The following SLIT2 variants were observed in gnomAD, a reference collection of about 807,000 sequenced individuals.
The protein encoded by SLIT2 is slit guidance ligand 2, also known as slit homolog 2 protein.
SLIT2 carries 41 observed loss-of-function variants against 185.7 expected under a neutral mutation model. The ratio of observed to expected loss-of-function variants is 0.22; its 90% confidence interval spans 0.17 to 0.29. The LOEUF (loss-of-function observed/expected upper bound fraction) is 0.29. Among genes scored for constraint, SLIT2 ranks in the 10% least tolerant of loss-of-function variants. SLIT2 has a pLI of 1.00. For synonymous variants in SLIT2, 693 were observed against 680.2 expected (o/e 1.02, Z -0.29); for missense variants, 1,571 against 1,909.0 (o/e 0.82, Z 3.30).
At chr4:20,500,585 A>G (rs1437247279) in intron 9 of SLIT2, among the ~76,000 whole-genome samples, 1 of 152,194 alleles carries the variant, frequency 6.6e-6, no homozygotes, top group East Asian at 1.9e-4. Context: ...AGTGTCTTGT[A>G]TCATACATAA....
At chr4:20,292,168 C>T (rs1175166779) in intron 4 of SLIT2, among the ~76,000 whole-genome samples, 1 of 152,090 alleles carries the variant, frequency 6.6e-6, no homozygotes, top group Non-Finnish European at 1.5e-5. Flanking sequence ...CATTCATTGG[C>T]TTTCTCTAAA....
At chr4:20,547,857 C>T (rs1222715840) in intron 22 of SLIT2, among the ~76,000 whole-genome samples, 5 of 152,074 alleles carry the variant, frequency 3.3e-5, no homozygotes, top group East Asian at 3.9e-4. Context: ...AAAAATTCAA[C>T]GTCTCTCCCA....
intron 4 of SLIT2, among the ~76,000 whole-genome samples, chr4:20,463,965 C>T (rs1313325690): frequency 6.6e-6 from 1 of 152,012 alleles, no homozygotes; most frequent in Admixed American, 6.6e-5. Context: ...ATGGTCCTCT[C>T]ATCTAACTTC....
chr4:20,280,968 G>A (rs1271541576), intron 4 of SLIT2, among the ~76,000 whole-genome samples: 1 of 151,960 alleles, frequency 6.6e-6, no homozygotes, highest in Non-Finnish European at 1.5e-5. Context: ...GAGTAGTTGG[G>A]ATTACAGGCA....
intron 3 of SLIT2, among the ~76,000 whole-genome samples, chr4:20,266,351 C>T (rs539858098): frequency 3.3e-5 from 5 of 151,774 alleles, no homozygotes; most frequent in African/African-American, 7.2e-5. Flanking sequence ...TAGGTGATGC[C>T]GAGAATCACA....
chr4:20,618,051 G>A (rs1245232414), intron 36 of SLIT2, among the ~76,000 whole-genome samples: 2 of 152,186 alleles, frequency 1.3e-5, no homozygotes, highest in African/African-American at 4.8e-5. Flanking sequence ...CAGAGAAGAT[G>A]GTCCTCTTAA....
chr4:20,442,367 C>A (rs1338486461), intron 4 of SLIT2, among the ~76,000 whole-genome samples: 3 of 151,694 alleles, frequency 2.0e-5, no homozygotes, highest in Non-Finnish European at 4.4e-5. Flanking sequence ...AAAATACACA[C>A]AAAAAAATTA....
chr4:20,442,167 G>C (rs919913698), intron 4 of SLIT2, among the ~76,000 whole-genome samples: 1 of 152,020 alleles, frequency 6.6e-6, no homozygotes, highest in African/African-American at 2.4e-5. Flanking sequence ...TGGGCAGGAA[G>C]GCAAGGGAGT....
rs899395059 is a variant in SLIT2 at position 20,254,019 on chromosome 4, C to T, written c.179+25C>T. ...TGTGAGTATGCGCTCTTCGTCTTCCCCTCTCCCCATCCGGGCCGCGCACCC... is the reference window on the plus strand; with the variant it reads ...TGTGAGTATGCGCTCTTCGTCTTCCTCTCTCCCCATCCGGGCCGCGCACCC... On this transcript the variant is annotated intron_variant, in intron 1 of 36. Transcript: ENST00000504154. The surrounding 1 kb of genome is among the most constrained non-coding windows in gnomAD (Gnocchi z 5.1). 4 of 1,590,464 alleles carry T rather than the reference C, an allele frequency of 2.5e-6. No homozygotes were observed. The highest frequency in any genetic ancestry group is 2.7e-5 in the African/African-American group (2 of 74,638).
chr4:20,524,279 T>C, intron 14 of SLIT2, 102 bp downstream of exon 14: 1 of 1,004,388 alleles, frequency 1.0e-6, no homozygotes, highest in South Asian at 1.6e-5. Context: ...CACTGTAGAA[T>C]CATATTTCTT....
At position 20,472,317 on chromosome 4, in the gene SLIT2, T is replaced by TATATAA. The variant is rs372707093; in HGVS notation, c.467+4499_467+4500insAATATA. 6.2e-5 allele frequency among the ~76,000 whole-genome samples: 2 copies of TATATAA among 32,048 alleles called. 1 individual carries two copies. The highest frequency in any genetic ancestry group is 2.2e-3 in the East Asian group (2 of 924). The allele number at this position is 32,048 out of a possible 152,430, so 21.0% of individuals were successfully genotyped here. On this transcript the variant is annotated intron_variant, in intron 5 of 36. Coordinates refer to ENST00000504154, the MANE Select transcript of SLIT2 (RefSeq NM_004787.4). Reference sequence around the variant, plus strand: ...ATAGATATATAGATCTATATATAGATATATATATCTATATATAGATCTATA... The same window carrying TATATAA: ...ATAGATATATAGATCTATATATAGATATATAAATATATATCTATATATAGATCTATA...
At chr4:20,580,520 C>T (rs929985854) in intron 29 of SLIT2, among the ~76,000 whole-genome samples, 3 of 151,936 alleles carry the variant, frequency 2.0e-5, no homozygotes, top group Admixed American at 6.6e-5. Flanking sequence ...CACAGGCATT[C>T]GACTCACTTT....
intron 3 of SLIT2, among the ~76,000 whole-genome samples, chr4:20,260,467 A>C (rs1465913900): frequency 1.3e-5 from 2 of 151,880 alleles, no homozygotes; most frequent in Non-Finnish European, 3.0e-5. Flanking sequence ...ACAAAATAAA[A>C]TAAAAACATT....
intron 4 of SLIT2, among the ~76,000 whole-genome samples, chr4:20,310,949 A>G (rs980433899): frequency 3.3e-5 from 5 of 152,152 alleles, no homozygotes; most frequent in Non-Finnish European, 5.9e-5. Context: ...TAGTGGTGCA[A>G]TCATAGCTCA....
At chr4:20,278,813 G>T (rs1182456440) in intron 4 of SLIT2, among the ~76,000 whole-genome samples, 1 of 151,296 alleles carries the variant, frequency 6.6e-6, no homozygotes, top group Admixed American at 6.6e-5. Context: ...AGTGGTGGGG[G>T]GCGGTGGGGG....
intron 4 of SLIT2, among the ~76,000 whole-genome samples, chr4:20,397,232 C>G (rs1485449183): frequency 1.3e-5 from 2 of 151,754 alleles, no homozygotes; most frequent in African/African-American, 4.8e-5. Context: ...GTGCAGGGAC[C>G]TACCTAACTA....
At chr4:20,492,214 G>A (rs1003094359) in intron 9 of SLIT2, among the ~76,000 whole-genome samples, 4 of 152,152 alleles carry the variant, frequency 2.6e-5, no homozygotes, top group Admixed American at 2.0e-4. Context: ...TCAGTTTGGA[G>A]CAGTAGGAAT....
In SLIT2 at chr4:20,511,126, T is replaced by C. The variant is rs1459348869; in HGVS notation, c.1047T>C (p.Ser349=). 1 of 1,595,992 alleles carries C rather than the reference T, an allele frequency of 6.3e-7. No individual in the cohort carries two copies. The highest frequency in any genetic ancestry group is 2.2e-5 in the East Asian group (1 of 44,728). The part of the protein sequence containing the change: ...LAPDAFQGLR[S]LNSLVLYGNK... ...CAGATGCTTTCCAAGGACTACGCTC[T>C]CTGAATTCACTGTAAGTATTCACTG... is the stretch of plus-strand genomic sequence containing the variant. The change falls in exon 11 of 37, where the codon TCT becomes TCC. Residue 349 remains serine, a synonymous_variant. Coordinates refer to ENST00000504154, the MANE Select transcript of SLIT2 (RefSeq NM_004787.4).
rs1353054131 is a variant in SLIT2, at chr4:20,523,813, T to C, written c.1184T>C (p.Leu395Pro). The change falls in exon 13 of 37, where the codon CTC becomes CCC. Residue 395 changes from leucine to proline, a missense_variant. Coordinates refer to ENST00000504154, the MANE Select transcript of SLIT2 (RefSeq NM_004787.4). ...CTTCGGGTAGATGCTTTTCAGGATC[T>C]CCACAACTTGAACCTTCTCTCCCTA... ...NCLRVDAFQD[L>P]HNLNLLSLYD... 1 of 1,613,888 alleles carries C rather than the reference T, an allele frequency of 6.2e-7. No individual in the cohort carries two copies. Among genetic ancestry groups the C allele is most frequent in the Non-Finnish European group, 8.5e-7 (1 of 1,179,846 alleles).
Sources: allele counts gnomAD v4.1 joint callset (sites outside exome capture counted in the v4.1 genomes callset), GRCh38; gene constraint gnomAD v4.1.1; non-coding constraint Gnocchi (gnomAD v3.1); transcripts MANE v1.5; gene names NCBI Gene and HGNC (gene_info 2026-07-23, HGNC 2026-07-21).